MACF1: variants seen among roughly 807,000 people sequenced by gnomAD.
MACF1 encodes microtubule actin crosslinking factor 1.
MACF1 carries 193 observed loss-of-function variants against 854.8 expected under a neutral mutation model. The observed-to-expected ratio is 0.23, with a 90% CI of 0.20 to 0.25. MACF1 has a LOEUF of 0.25. Among genes scored for constraint, MACF1 ranks in the 10% least tolerant of loss-of-function variants. MACF1 has a pLI of 1.00. For missense variants in MACF1, 7,722 were observed against 8,929.1 expected (o/e 0.86, Z 5.45); for synonymous variants, 3,185 against 3,226.7 (o/e 0.99, Z 0.44).
At chr1:39,423,892 C>A (rs1216421779) in intron 60 of MACF1, 136 bp from the exon 61 acceptor site, 3 of 635,296 alleles carry the variant, frequency 4.7e-6, no homozygotes, top group African/African-American at 3.8e-5. Context: ...TGTTTTTGCC[C>A]CAAGGATGAA....
rs960015166 is a variant in MACF1 at position 39,105,977 on chromosome 1, A to T, written c.220+21539A>T. Among the ~76,000 whole-genome samples the T allele has an allele frequency of 1.3e-5, 2 of 152,148 alleles. No homozygotes were observed. The highest frequency in any genetic ancestry group is 2.9e-5 in the Non-Finnish European group (2 of 68,014). ...CCTATTATCCGGCCCCAGCTGGAAGAAGGCGAGACAAGGCGCTGGCCTGGA... is the reference window on the plus strand; with the variant it reads ...CCTATTATCCGGCCCCAGCTGGAAGTAGGCGAGACAAGGCGCTGGCCTGGA... On this transcript the variant is annotated intron_variant, in intron 2 of 93. Coordinates refer to the MACF1 transcript ENST00000361689. The surrounding 1 kb of genome is among the most constrained non-coding windows in gnomAD (Gnocchi z 5.9).
chr1:39,357,507 G>C lies in MACF1; in HGVS notation c.11557G>C (p.Glu3853Gln). The change falls in exon 45 of 101, where the codon GAG (glutamate) becomes CAG (glutamine). Residue 3853 changes from glutamate to glutamine, a missense_variant. By Grantham distance (29) the Glu-to-Gln change is conservative. Around this residue, in one of 15 missense-constraint regions of MACF1, gnomAD observed 2,807 missense variants for 3,235.8 expected, o/e 0.87. Coordinates refer to ENST00000564288, the MANE Select transcript of MACF1 (RefSeq NM_001394062.1). The part of the protein sequence containing the change: ...EQQMLQQKLG[E>Q]LKEQYSTSLA... ...ACAGATGCTGCAACAGAAGCTGGGA[G>C]AGCTAAAGGAACAATACTCTACTTC... 1.9e-6 allele frequency: 3 copies of C among 1,614,190 alleles called. No homozygotes were observed. Among genetic ancestry groups the C allele is most frequent in the Non-Finnish European group, 2.5e-6 (3 of 1,180,036 alleles).
At chr1:39,309,363 T>C (rs1454591671) in intron 23 of MACF1, among the ~76,000 whole-genome samples, 3 of 152,106 alleles carry the variant, frequency 2.0e-5, no homozygotes, top group Non-Finnish European at 2.9e-5. Flanking sequence ...CTCCAAAAGT[T>C]CTGTGATTAC....
At chr1:39,415,185 A>T (rs1246996423) in intron 58 of MACF1, among the ~76,000 whole-genome samples, 3 of 152,200 alleles carry the variant, frequency 2.0e-5, no homozygotes. Flanking sequence ...TGTTTATGAA[A>T]AATAGAGATA....
Position 39,297,749 on chromosome 1 carries a change from G to T in MACF1, c.2481+4G>T. 6.2e-7 allele frequency: 1 copy of T among 1,613,948 alleles called. No homozygotes were observed. Among genetic ancestry groups the T allele is most frequent in the Admixed American group, 1.7e-5 (1 of 60,018 alleles). On this transcript the variant is annotated splice_donor_region_variant and intron_variant, in intron 21 of 100. Coordinates refer to ENST00000564288, the MANE Select transcript of MACF1 (RefSeq NM_001394062.1). ...AGACCTGCTCCAGGACTCCATGGTG[G>T]GTGTTGCCTCAGTGGGGATGATTAC...
Position 39,448,075 on chromosome 1 carries a change from G to T in MACF1, c.20011G>T (p.Ala6671Ser), listed in dbSNP as rs201044159. ...WKKLIDWLED[A>S]ESHLDSELEI... ...AAAACTGATTGACTGGCTAGAAGAT[G>T]CAGAGAGTCACCTGGACTCAGAACT... The change falls in exon 83 of 101, where the codon GCA (alanine) becomes TCA (serine). Residue 6671 changes from alanine (A) to serine (S), a missense_variant. Coordinates refer to ENST00000564288, the MANE Select transcript of MACF1 (RefSeq NM_001394062.1). 1 of 1,614,060 alleles carries T rather than the reference G, an allele frequency of 6.2e-7. No homozygotes were observed. The highest frequency in any genetic ancestry group is 8.5e-7 in the Non-Finnish European group (1 of 1,179,936).
rs189098035 is a variant in MACF1, at chr1:39,208,594, C to T, written c.109+3463C>T. Among the ~76,000 whole-genome samples, 66 of 152,232 alleles carry T rather than the reference C, an allele frequency of 4.3e-4. 1 individual carries two copies. The East Asian group carries it at 0.011, about 25-fold the overall frequency. On this transcript the variant is annotated intron_variant, in intron 1 of 100. Coordinates refer to ENST00000564288, the MANE Select transcript of MACF1 (RefSeq NM_001394062.1). ...TCAACCTCCCGAGTAGCTGAGACTACAGGCGCCTGCCACCACGCCTGACTA... is the reference window on the plus strand; with the variant it reads ...TCAACCTCCCGAGTAGCTGAGACTATAGGCGCCTGCCACCACGCCTGACTA...
At chr1:39,430,186 C>T in intron 65 of MACF1, 118 bp downstream of exon 65, 1 of 1,092,032 alleles carries the variant, frequency 9.2e-7, no homozygotes, top group South Asian at 1.7e-5. Flanking sequence ...TTCTTGTTTA[C>T]TCATGGACAG....
chr1:39,362,777 A>G (rs141183606), intron 49 of MACF1, among the ~76,000 whole-genome samples: 1,725 of 152,296 alleles, frequency 0.011, 102 homozygotes, highest in Admixed American at 0.098. Flanking sequence ...TAGATGAGCT[A>G]CTGGAGTGTC....
At chr1:39,224,858 C>T (rs769634838) in intron 1 of MACF1, among the ~76,000 whole-genome samples, 9 of 152,200 alleles carry the variant, frequency 5.9e-5, no homozygotes, top group Non-Finnish European at 1.0e-4. Context: ...CCCTTGTTGA[C>T]GAAGATCAGT....
Position 39,432,549 on chromosome 1 carries a change from C to A in MACF1, c.17352C>A (p.Ala5784=). The A allele has an allele frequency of 2.5e-6, 4 of 1,613,890 alleles. No individual in the cohort carries two copies. The highest frequency in any genetic ancestry group is 3.4e-6 in the Non-Finnish European group (4 of 1,179,888). Residue 5784 remains alanine, a synonymous_variant, in exon 67 of 101, where the codon GCC becomes GCA. Transcript: ENST00000564288. ...IQRSQQYEQA[A]DAELAWVAET... The stretch of plus-strand genomic sequence containing the variant: ...ACGTCTATTAGTATGAGCAAGCTGC[C>A]GATGCAGAACTAGCTTGGGTTGCTG...
At chr1:39,196,332 TC>T (rs1463892989) in intron 2 of MACF1, among the ~76,000 whole-genome samples, 2 of 152,374 alleles carry the variant, frequency 1.3e-5, no homozygotes, top group African/African-American at 4.8e-5. Flanking sequence ...TGTAGAATGT[TC>T]TTTGTAGACA....
In MACF1 at chr1:39,335,601, A is replaced by G; in HGVS notation, c.9013A>G (p.Ile3005Val). The change falls in exon 37 of 101, where the codon ATT (isoleucine) becomes GTT (valine). Residue 3005 changes from isoleucine to valine, a missense_variant. By Grantham distance (29) the Ile-to-Val change is conservative. Transcript: ENST00000564288. ...AGAAAAGTTGTATCAGGAAACTGCC[A>G]TTAGAGATGAGCATGACTCCCATAT... Reference protein sequence around the residue: ...SEEKLYQETAIRDEHDSHIKS... With the variant: ...SEEKLYQETAVRDEHDSHIKS... 4 of 1,614,190 alleles carry G rather than the reference A, an allele frequency of 2.5e-6. No individual in the cohort carries two copies. Among genetic ancestry groups the G allele is most frequent in the South Asian group, 1.1e-5 (1 of 91,078 alleles).
In MACF1 at chr1:39,315,507, TG is replaced by T. The variant is rs760622852; in HGVS notation, c.3271-4del. 6.2e-7 allele frequency: 1 copy of T among 1,613,932 alleles called. No homozygotes were observed. Among genetic ancestry groups the T allele is most frequent in the Admixed American group, 1.7e-5 (1 of 60,026 alleles). On this transcript the variant is annotated splice_region_variant and splice_polypyrimidine_tract_variant and intron_variant, in intron 26 of 100. Coordinates refer to ENST00000564288, the MANE Select transcript of MACF1 (RefSeq NM_001394062.1). ...TCCCTCTTTATGTGTGTCTTGTTCC[TG>T]GCAGCACACCCAGGAGGATTTACAG...
At chr1:39,269,392 C>G in intron 6 of MACF1, 1 of 1,289,766 alleles carries the variant, frequency 7.8e-7, no homozygotes, top group Non-Finnish European at 1.0e-6. Context: ...GTTTCAGGTG[C>G]CCCTCAGACA....
At chr1:39,209,963 G>T (rs926378277) in intron 1 of MACF1, among the ~76,000 whole-genome samples, 1 of 151,932 alleles carries the variant, frequency 6.6e-6, no homozygotes, top group African/African-American at 2.4e-5. Flanking sequence ...GGTGGTGTGC[G>T]CCTGTAATCC....
Position 39,432,424 on chromosome 1 carries a change from GAT to G in MACF1, c.17338-107_17338-106del, listed in dbSNP as rs1426764768. 3 of 886,276 alleles carry G rather than the reference GAT, an allele frequency of 3.4e-6. No individual in the cohort carries two copies. In the African/African-American group the frequency reaches 5.1e-5, roughly 15 times the overall value. The allele number at this position is 886,276 out of a possible 1,614,324, so 54.9% of individuals were successfully genotyped here. On this transcript the variant is annotated intron_variant, in intron 66 of 100. Transcript: ENST00000564288. ...TCCCAGTTTTGACTCTACTTTGTGA[GAT>G]ATAAACTGTATTACTGAAAATCCAG...
At chr1:39,130,572 G>A (rs1001926205) in intron 2 of MACF1, among the ~76,000 whole-genome samples, 3 of 152,044 alleles carry the variant, frequency 2.0e-5, no homozygotes, top group African/African-American at 7.2e-5. Flanking sequence ...TCCTGGGTGC[G>A]GTTTTGCAGA....
chr1:39,189,563 A>G (rs944048167), intron 2 of MACF1, among the ~76,000 whole-genome samples: 1 of 152,102 alleles, frequency 6.6e-6, no homozygotes, highest in African/African-American at 2.4e-5. Flanking sequence ...TGTCACTTGT[A>G]CTTTCTGTTT....
Sources: allele counts gnomAD v4.1 joint callset (sites outside exome capture counted in the v4.1 genomes callset), GRCh38; gene constraint gnomAD v4.1.1; regional missense constraint gnomAD v4.1.1; non-coding constraint Gnocchi (gnomAD v3.1); transcripts MANE v1.5; gene names NCBI Gene and HGNC (gene_info 2026-07-23, HGNC 2026-07-21).